Variants in STK10 observed in about 807,000 individuals in gnomAD.
STK10 encodes serine/threonine-protein kinase 10.
STK10 carries 78 observed loss-of-function variants against 113.8 expected under a neutral mutation model. The ratio of observed to expected loss-of-function variants is 0.69; its 90% confidence interval spans 0.57 to 0.83. The LOEUF (loss-of-function observed/expected upper bound fraction) is 0.83. Among genes scored for constraint, STK10 ranks in the 40% least tolerant of loss-of-function variants. STK10 has a pLI of 0.00. For missense variants in STK10, 1,109 were observed against 1,280.1 expected (o/e 0.87, Z 2.04); for synonymous variants, 465 against 494.7 (o/e 0.94, Z 0.80).
rs760536900 is a variant in STK10 at position 172,173,796 on chromosome 5, C to T, written c.156+14091G>A. Among the ~76,000 whole-genome samples, 127 of 152,298 alleles carry T rather than the reference C, an allele frequency of 8.3e-4. 1 individual carries two copies. The highest frequency in any genetic ancestry group is 1.3e-3 in the Admixed American group (20 of 15,290). On this transcript the variant is annotated intron_variant, in intron 1 of 18. Coordinates refer to ENST00000176763, the MANE Select transcript of STK10 (RefSeq NM_005990.4). ...AGGGGAAGATCAGCTTAAGTCACCC[C>T]ACAGAAATGGCAACAATCACAGTAA...
At chr5:172,067,178 G>A (rs7717619) in intron 12 of STK10, among the ~76,000 whole-genome samples, 21,487 of 151,874 alleles carry the variant, frequency 0.14, 2,160 homozygotes, top group African/African-American at 0.28. Flanking sequence ...GCAAAAACCC[G>A]TCTCTACAGA....
rs189605467 is a variant in STK10, at chr5:172,096,254, C to A, written c.1005+172G>T. On this transcript the variant is annotated intron_variant, in intron 8 of 18. Coordinates refer to ENST00000176763, the MANE Select transcript of STK10 (RefSeq NM_005990.4). The stretch of plus-strand genomic sequence containing the variant: ...GGCCAACACCCCCTGCTGCCTCACC[C>A]CGGCCCACATGCCATCTTACGTTAC... Among the ~76,000 whole-genome samples the A allele has an allele frequency of 7.0e-3, 1,060 of 152,346 alleles. 8 individuals are homozygous for A. Among genetic ancestry groups the A allele is most frequent in the Admixed American group, 0.012 (188 of 15,300 alleles).
At chr5:172,063,357 T>C (rs568311558) in intron 13 of STK10, 3 of 152,322 alleles carry the variant, frequency 2.0e-5, no homozygotes, top group African/African-American at 7.2e-5. Context: ...GCTGAAAATA[T>C]TTCATGCTAT....
chr5:172,150,293 C>T (rs1770193510), intron 2 of STK10, among the ~76,000 whole-genome samples: 3 of 151,460 alleles, frequency 2.0e-5, no homozygotes, highest in African/African-American at 7.3e-5. Context: ...ACAGTCTGGC[C>T]AACATGGCGA....
At chr5:172,112,941 T>G (rs1581162597) in intron 4 of STK10, among the ~76,000 whole-genome samples, 1 of 150,520 alleles carries the variant, frequency 6.6e-6, no homozygotes, top group South Asian at 2.1e-4. Context: ...AGACGGGGGG[T>G]TTCATCATGT....
At chr5:172,181,735 C>T (rs1022265669) in intron 1 of STK10, among the ~76,000 whole-genome samples, 5 of 149,742 alleles carry the variant, frequency 3.3e-5, no homozygotes, top group East Asian at 4.2e-4. Context: ...GCTCCCACCT[C>T]GGGAGGTGGA....
rs1421974768 is a variant in STK10, at chr5:172,096,528, C to T, written c.903G>A (p.Lys301=). The change falls in exon 8 of 19, where the codon AAG becomes AAA. Residue 301 remains lysine, a synonymous_variant. Coordinates refer to ENST00000176763, the MANE Select transcript of STK10 (RefSeq NM_005990.4). ...HPFVSSITSN[K]ALRELVAEAK... is the part of the protein sequence containing the mutation. ...CCTCAGCCACCAGCTCCCGCAGAGC[C>T]TTGTTACTGGTGATGCTGCTGACGA... 1 of 1,613,752 alleles carries T rather than the reference C, an allele frequency of 6.2e-7. No homozygotes were observed. Among genetic ancestry groups the T allele is most frequent in the East Asian group, 2.2e-5 (1 of 44,894 alleles).
chr5:172,095,158 T>C (rs1195375996), intron 8 of STK10, among the ~76,000 whole-genome samples: 3 of 152,238 alleles, frequency 2.0e-5, no homozygotes, highest in Non-Finnish European at 4.4e-5. Flanking sequence ...ATTTATACTA[T>C]AAGTATTCCT....
chr5:172,080,250 C>T (rs1463399152), intron 12 of STK10, among the ~76,000 whole-genome samples: 2 of 152,134 alleles, frequency 1.3e-5, no homozygotes, highest in Non-Finnish European at 2.9e-5. Flanking sequence ...CTGGCCTTTC[C>T]CCTGTCTCTT....
chr5:172,184,588 G>A (rs1477160138), intron 1 of STK10, among the ~76,000 whole-genome samples: 2 of 152,144 alleles, frequency 1.3e-5, no homozygotes, highest in Non-Finnish European at 2.9e-5. Flanking sequence ...TGGATTCGGA[G>A]GTAGGCGGAG....
At chr5:172,061,114 A>T in intron 14 of STK10, 25 bp downstream of exon 14, 1 of 1,591,450 alleles carries the variant, frequency 6.3e-7, no homozygotes, top group Non-Finnish European at 8.5e-7. Context: ...GGGCCAAGAC[A>T]GCGCTGCCAC....
At chr5:172,106,401 C>CAGAAAAAAAAAAAAAAAAAAAAA (rs1475870342) in intron 6 of STK10, among the ~76,000 whole-genome samples, 1 of 53,442 alleles carries the variant, frequency 1.9e-5, no homozygotes, top group African/African-American at 5.5e-5. Context: ...GACCCTATCT[C>CAGAAAAAAAAAAAAAAAAAAAAA]AAAAAAAAAA....
chr5:172,054,981 G>A (rs569238327), intron 16 of STK10, among the ~76,000 whole-genome samples: 2 of 152,186 alleles, frequency 1.3e-5, no homozygotes, highest in Non-Finnish European at 1.5e-5. Flanking sequence ...CCGTGTGCCC[G>A]AGCCACAAGG....
At chr5:172,181,463 A>G (rs1770852460) in intron 1 of STK10, among the ~76,000 whole-genome samples, 1 of 151,238 alleles carries the variant, frequency 6.6e-6, no homozygotes, top group South Asian at 2.1e-4. Flanking sequence ...AGTGCCTGGC[A>G]TACGATTATT....
intron 7 of STK10, among the ~76,000 whole-genome samples, chr5:172,099,641 G>C (rs968938961): frequency 7.9e-6 from 1 of 126,336 alleles, no homozygotes; most frequent in Admixed American, 7.1e-5. Flanking sequence ...CCAAAGGTGA[G>C]AACCAAGATC....
intron 2 of STK10, among the ~76,000 whole-genome samples, chr5:172,134,730 G>A (rs546232123): frequency 3.8e-5 from 5 of 132,672 alleles, no homozygotes; most frequent in Non-Finnish European, 7.8e-5. Flanking sequence ...GCAACATAGG[G>A]AGACCTCATA....
rs1221960823 is a variant in STK10, at chr5:172,044,363, C to CT, written c.*518dup. On this transcript the variant is annotated 3_prime_UTR_variant, in exon 19 of 19. Transcript: ENST00000176763. This position sits in a 1 kb window ranked among gnomAD's most constrained non-coding sequence, Gnocchi z 4.5. ...GGGAGAACAGGAGGAATGAGGCCATCTCCTGAGCAGCCAGCTGCAGGCCTG... is the reference window on the plus strand; with the variant it reads ...GGGAGAACAGGAGGAATGAGGCCATCTTCCTGAGCAGCCAGCTGCAGGCCTG... 1 of 156,522 alleles carries CT rather than the reference C, an allele frequency of 6.4e-6. No individual in the cohort carries two copies. The allele number at this position is 156,522 out of a possible 1,614,324, so 9.7% of individuals were successfully genotyped here. A position where few individuals can be genotyped will look rare whatever the true frequency, so the allele number is the denominator to read the frequency against.
chr5:172,093,405 G>C lies in STK10; in HGVS notation c.1554+7C>G. 1 of 1,582,376 alleles carries C rather than the reference G, an allele frequency of 6.3e-7. No individual in the cohort carries two copies. The highest frequency in any genetic ancestry group is 8.6e-7 in the Non-Finnish European group (1 of 1,157,946). On this transcript the variant is annotated splice_region_variant and intron_variant, in intron 9 of 18. Coordinates refer to ENST00000176763, the MANE Select transcript of STK10 (RefSeq NM_005990.4). The surrounding 1 kb of genome is among the most constrained non-coding windows in gnomAD (Gnocchi z 4.1). Reference sequence around the variant, plus strand: ...CTGCAAGCCCGTGGTGGCAGAGGCGGTGTTACCTTGATGGACAGAGAGCCC... The same window carrying C: ...CTGCAAGCCCGTGGTGGCAGAGGCGCTGTTACCTTGATGGACAGAGAGCCC...
chr5:172,110,647 TG>T (rs1389076164), intron 4 of STK10, among the ~76,000 whole-genome samples: 1 of 150,920 alleles, frequency 6.6e-6, no homozygotes, highest in African/African-American at 2.4e-5. Context: ...GGACACAGCC[TG>T]GCCGGAAGGA....
Sources: gnomAD v4.1 joint callset for allele counts (sites outside exome capture counted in the v4.1 genomes callset) on GRCh38, gnomAD v4.1.1 for gene constraint, Gnocchi (gnomAD v3.1) non-coding constraint, MANE v1.5 for transcripts, NCBI Gene and HGNC (gene_info 2026-07-23, HGNC 2026-07-21) for gene names.